NAXD: variants seen among roughly 807,000 people sequenced by gnomAD.
NAXD encodes NAD(P)HX dehydratase.
A neutral mutation model predicts 35.8 loss-of-function variants in NAXD; 22 were observed. That is an observed-to-expected ratio of 0.62 (90% CI 0.44 to 0.88). The LOEUF is 0.88. Among genes scored for constraint, NAXD ranks in the 40% least tolerant of loss-of-function variants. The pLI is 0.00. For missense variants in NAXD, 428 were observed against 437.7 expected (o/e 0.98, Z 0.20); for synonymous variants, 189 against 177.6 (o/e 1.06, Z -0.51).
intron 1 of NAXD, 49 bp downstream of exon 1, chr13:110,615,696 G>A: frequency 2.0e-6 from 3 of 1,522,966 alleles, no homozygotes; most frequent in Non-Finnish European, 2.6e-6. Flanking sequence ...CGCGGGGGCC[G>A]GAACTGCCGT....
Position 110,638,535 on chromosome 13 carries a change from G to A in NAXD, c.*7G>A, listed in dbSNP as rs368655387. ...CAAGCTCTTTGAAACCTGAGCCCGC[G>A]CAGACCAGAAGTAAACAGGCACCTT... On this transcript the variant is annotated 3_prime_UTR_variant, in exon 10 of 10. Coordinates refer to ENST00000680254, the MANE Select transcript of NAXD (RefSeq NM_001242882.2). This position sits in a 1 kb window ranked among gnomAD's most constrained non-coding sequence, Gnocchi z 5.4. 2.0e-5 allele frequency: 32 copies of A among 1,611,602 alleles called. No individual in the cohort carries two copies. In the African/African-American group the frequency reaches 2.5e-4, roughly 13 times the overall value.
intron 2 of NAXD, among the ~76,000 whole-genome samples, chr13:110,623,285 C>T (rs1886335415): frequency 6.6e-6 from 1 of 152,162 alleles, no homozygotes; most frequent in Admixed American, 6.5e-5. Context: ...TCAGCATTTG[C>T]CCAGGTCTCT....
At position 110,638,327 on chromosome 13, in the gene NAXD, C is replaced by T. The variant is rs752108793; in HGVS notation, c.840-51C>T. ...CAGAGCCCAGGGTAGCTGCGGCCCC[C>T]GGACCACGACGCCCACTTCCCCACA... On this transcript the variant is annotated intron_variant, in intron 9 of 9. Coordinates refer to ENST00000680254, the MANE Select transcript of NAXD (RefSeq NM_001242882.2). The surrounding 1 kb of genome is among the most constrained non-coding windows in gnomAD (Gnocchi z 5.4). The T allele has an allele frequency of 3.7e-5, 60 of 1,612,828 alleles. No homozygotes were observed. The highest frequency in any genetic ancestry group is 4.5e-5 in the East Asian group (2 of 44,872).
rs1328607085 is a variant in NAXD at position 110,625,327 on chromosome 13, T to G, written c.332+49T>G. ...TCGTAGGTTCTCTTTCCCTCCTGCA[T>G]CATTTGGGGTTTTGGCACTGACACC... On this transcript the variant is annotated intron_variant, in intron 4 of 9. Coordinates refer to ENST00000680254, the MANE Select transcript of NAXD (RefSeq NM_001242882.2). The G allele has an allele frequency of 3.0e-6, 4 of 1,329,560 alleles. No individual in the cohort carries two copies. The South Asian group carries it at 4.7e-5, about 16-fold the overall frequency. The allele number at this position is 1,329,560 out of a possible 1,614,324, so 82.4% of individuals were successfully genotyped here.
intron 4 of NAXD, among the ~76,000 whole-genome samples, chr13:110,626,031 G>C (rs562417799): frequency 6.6e-6 from 1 of 152,122 alleles, no homozygotes; most frequent in African/African-American, 2.4e-5. Context: ...GAGAGGAGCC[G>C]GCGCGGAGCT....
intron 1 of NAXD, among the ~76,000 whole-genome samples, chr13:110,617,694 T>A (rs1886110999): frequency 6.6e-6 from 1 of 152,254 alleles, no homozygotes; most frequent in African/African-American, 2.4e-5. Context: ...TTACACCTAC[T>A]GTGTGCCCAC....
At chr13:110,627,377 A>T in intron 4 of NAXD, 62 bp from the exon 5 acceptor site, 2 of 1,018,670 alleles carry the variant, frequency 2.0e-6, no homozygotes, top group Non-Finnish European at 3.1e-6. Flanking sequence ...GTAAACAAAT[A>T]CATGACAGTA....
At chr13:110,632,853 G>T (rs934011035) in intron 5 of NAXD, among the ~76,000 whole-genome samples, 2 of 131,492 alleles carry the variant, frequency 1.5e-5, no homozygotes, top group African/African-American at 5.0e-5. Flanking sequence ...GCTGATTGGT[G>T]CACTCACAAA....
At position 110,629,111 on chromosome 13, in the gene NAXD, C is replaced by T. The variant is rs330555; in HGVS notation, c.441+1564C>T. On this transcript the variant is annotated intron_variant, in intron 5 of 9. Coordinates refer to ENST00000680254, the MANE Select transcript of NAXD (RefSeq NM_001242882.2). Reference sequence around the variant, plus strand: ...GTCAGCTTCCAGCTCGTGTCTGGTGCGGAGCAGAGGCTTCCTACTTCGTCG... The same window carrying T: ...GTCAGCTTCCAGCTCGTGTCTGGTGTGGAGCAGAGGCTTCCTACTTCGTCG... Among the ~76,000 whole-genome samples the T allele has an allele frequency of 5.6e-3, 852 of 152,224 alleles. 12 individuals are homozygous for T. The highest frequency in any genetic ancestry group is 0.02 in the African/African-American group (812 of 41,536).
chr13:110,629,203 C>G (rs556910818), intron 5 of NAXD, among the ~76,000 whole-genome samples: 4 of 152,336 alleles, frequency 2.6e-5, no homozygotes, highest in Admixed American at 6.5e-5. Context: ...GATTCCTATT[C>G]ATAGCCCCAT....
chr13:110,638,131 C>T lies in NAXD; in HGVS notation c.840-247C>T. 9.0e-7 allele frequency: 1 copy of T among 1,116,934 alleles called. No homozygotes were observed. Among genetic ancestry groups the T allele is most frequent in the Non-Finnish European group, 1.3e-6 (1 of 771,706 alleles). The allele number at this position is 1,116,934 out of a possible 1,614,324, so 69.2% of individuals were successfully genotyped here. A position where few individuals can be genotyped will look rare whatever the true frequency, so the allele number is the denominator to read the frequency against. The stretch of plus-strand genomic sequence containing the variant: ...GGGAACACCTGGCCCACTGTGTGCC[C>T]TAGCCCTGGACCTGTCTCCGAGTAC... On this transcript the variant is annotated intron_variant, in intron 9 of 9. Transcript: ENST00000680254. The surrounding 1 kb of genome is among the most constrained non-coding windows in gnomAD (Gnocchi z 5.4).
At position 110,636,782 on chromosome 13, in the gene NAXD, G is replaced by A. The variant is rs528784480; in HGVS notation, c.719-347G>A. On this transcript the variant is annotated intron_variant, in intron 8 of 9. Transcript: ENST00000680254. Reference sequence around the variant, plus strand: ...GGTGAGGGCTCCGTCCCTGGGAGCTGGTGGGAGGAGCTGGAGGCTGGCGCC... The same window carrying A: ...GGTGAGGGCTCCGTCCCTGGGAGCTAGTGGGAGGAGCTGGAGGCTGGCGCC... Among the ~76,000 whole-genome samples, 958 of 152,370 alleles carry A rather than the reference G, an allele frequency of 6.3e-3. 7 individuals are homozygous for A. Among genetic ancestry groups the A allele is most frequent in the Non-Finnish European group, 9.6e-3 (656 of 68,028 alleles).
intron 2 of NAXD, among the ~76,000 whole-genome samples, chr13:110,623,116 A>G (rs2139632857): frequency 6.6e-6 from 1 of 152,272 alleles, no homozygotes; most frequent in Non-Finnish European, 1.5e-5. Flanking sequence ...GAAGTCGACA[A>G]GCTTTCTTGT....
At position 110,638,363 on chromosome 13, in the gene NAXD, T is replaced by C. The variant is rs781218992; in HGVS notation, c.840-15T>C. The C allele has an allele frequency of 6.2e-7, 1 of 1,613,766 alleles. No homozygotes were observed. The highest frequency in any genetic ancestry group is 8.5e-7 in the Non-Finnish European group (1 of 1,179,986). On this transcript the variant is annotated splice_polypyrimidine_tract_variant and intron_variant, in intron 9 of 9. Coordinates refer to ENST00000680254, the MANE Select transcript of NAXD (RefSeq NM_001242882.2). The surrounding 1 kb of genome is among the most constrained non-coding windows in gnomAD (Gnocchi z 5.4). ...GCCCACTTCCCCACACCTCCTGCTGTCCCCCTCTCCGCAGGTCCAGCCCTC... is the reference window on the plus strand; with the variant it reads ...GCCCACTTCCCCACACCTCCTGCTGCCCCCCTCTCCGCAGGTCCAGCCCTC...
At position 110,628,736 on chromosome 13, in the gene NAXD, C is replaced by T. The variant is rs772950118; in HGVS notation, c.441+1189C>T. Among the ~76,000 whole-genome samples the T allele has an allele frequency of 7.2e-5, 11 of 151,972 alleles. No individual in the cohort carries two copies. The highest frequency in any genetic ancestry group is 5.9e-5 in the Non-Finnish European group (4 of 68,012). On this transcript the variant is annotated intron_variant, in intron 5 of 9. Transcript: ENST00000680254. This position sits in a 1 kb window ranked among gnomAD's most constrained non-coding sequence, Gnocchi z 4.1. ...GTTTAGGAGCAGTAGAACCCTCTGT[C>T]ATCCCCGGGGAGAGGCTCTCAATGG...
Position 110,628,763 on chromosome 13 carries a change from GA to G in NAXD, c.441+1217del, listed in dbSNP as rs1045531079. Among the ~76,000 whole-genome samples the G allele has an allele frequency of 6.6e-6, 1 of 152,166 alleles. No homozygotes were observed. Among genetic ancestry groups the G allele is most frequent in the African/African-American group, 2.4e-5 (1 of 41,444 alleles). On this transcript the variant is annotated intron_variant, in intron 5 of 9. Coordinates refer to ENST00000680254, the MANE Select transcript of NAXD (RefSeq NM_001242882.2). The surrounding 1 kb of genome is among the most constrained non-coding windows in gnomAD (Gnocchi z 4.1). The stretch of plus-strand genomic sequence containing the variant: ...TCCCCGGGGAGAGGCTCTCAATGGG[GA>G]GTCCCATCTGCAGGCTGCGGGTCTG...
At position 110,638,945 on chromosome 13, in the gene NAXD, G is replaced by A. The variant is rs967237869; in HGVS notation, c.*417G>A. The stretch of plus-strand genomic sequence containing the variant: ...GCTTCCCTTCCCTAGTCTTTCCTCC[G>A]GCAGGGAGCTGGGCAGGGGTCCCCG... On this transcript the variant is annotated 3_prime_UTR_variant, in exon 10 of 10. Coordinates refer to ENST00000680254, the MANE Select transcript of NAXD (RefSeq NM_001242882.2). This position sits in a 1 kb window ranked among gnomAD's most constrained non-coding sequence, Gnocchi z 5.4. 7 of 358,410 alleles carry A rather than the reference G, an allele frequency of 2.0e-5. No homozygotes were observed. The highest frequency in any genetic ancestry group is 3.8e-5 in the Non-Finnish European group (7 of 182,888). 22.2% of individuals were successfully genotyped at this position (358,410 alleles called of 1,614,324 possible). A position where few individuals can be genotyped will look rare whatever the true frequency, so the allele number is the denominator to read the frequency against.
chr13:110,618,639 T>G (rs1006307772), intron 1 of NAXD, among the ~76,000 whole-genome samples: 1 of 152,224 alleles, frequency 6.6e-6, no homozygotes, highest in South Asian at 2.1e-4. Flanking sequence ...AAAGTGGCCC[T>G]TATTCGTATA....
intron 1 of NAXD, among the ~76,000 whole-genome samples, chr13:110,619,052 G>A (rs1886164660): frequency 6.6e-6 from 1 of 152,228 alleles, no homozygotes; most frequent in South Asian, 2.1e-4. Flanking sequence ...TTGCAGAGGG[G>A]CATTGGTGCT....
Sources: gnomAD v4.1 joint callset for allele counts (sites outside exome capture counted in the v4.1 genomes callset) on GRCh38, gnomAD v4.1.1 for gene constraint, Gnocchi (gnomAD v3.1) non-coding constraint, MANE v1.5 for transcripts, NCBI Gene and HGNC (gene_info 2026-07-23, HGNC 2026-07-21) for gene names.